The following SLC46A2 variants were observed in gnomAD, a reference collection of about 807,000 sequenced individuals.
SLC46A2 encodes the protein thymic stromal co-transporter.
In SLC46A2, 25 loss-of-function variants were observed where a neutral mutation model predicts 33.1. The ratio of observed to expected loss-of-function variants is 0.76; its 90% CI spans 0.55 to 1.06. SLC46A2 has a LOEUF of 1.06. Among genes scored for constraint, SLC46A2 ranks in the 50% least tolerant of loss-of-function variants. SLC46A2 has a pLI of 0.00. For synonymous variants in SLC46A2, 254 were observed against 275.9 expected (o/e 0.92, Z 0.79); for missense variants, 622 against 621.7 (o/e 1.00, Z 0.00).
At chr9:112,883,131 G>C (rs1225007077) in intron 3 of SLC46A2, among the ~76,000 whole-genome samples, 1 of 152,328 alleles carries the variant, frequency 6.6e-6, no homozygotes, top group South Asian at 2.1e-4. Context: ...GAGTTGAGCA[G>C]GGGGAACCAA....
chr9:112,885,344 G>C (rs1045111978), intron 3 of SLC46A2: 2 of 151,832 alleles, frequency 1.3e-5, no homozygotes, highest in African/African-American at 4.8e-5. Flanking sequence ...CTGATCTGTA[G>C]AGTCCTCATG....
Position 112,879,560 on chromosome 9 carries a change from C to T in SLC46A2, c.*202G>A, listed in dbSNP as rs538557225. ...AATGGGGGTGTCTTAAAGCTGAGAA[C>T]GTTTTTCCATCACCAGGAAAGTGCT... On this transcript the variant is annotated 3_prime_UTR_variant, in exon 4 of 4. Transcript: ENST00000374228. The T allele has an allele frequency of 3.7e-5, 20 of 538,502 alleles. No homozygotes were observed. In the South Asian group the frequency reaches 3.9e-4, roughly 11 times the overall value. 33.4% of individuals were successfully genotyped at this position (538,502 alleles called of 1,614,324 possible). A position where few individuals can be genotyped will look rare whatever the true frequency, so the allele number is the denominator to read the frequency against.
intron 3 of SLC46A2, among the ~76,000 whole-genome samples, chr9:112,882,682 T>C (rs1395900598): frequency 1.4e-4 from 21 of 151,592 alleles, no homozygotes; most frequent in Admixed American, 1.4e-3. Flanking sequence ...GCCTGATTGA[T>C]TGGAGGTGGG....
intron 3 of SLC46A2, among the ~76,000 whole-genome samples, chr9:112,881,953 G>C (rs904483860): frequency 2.1e-4 from 32 of 152,170 alleles, no homozygotes; most frequent in African/African-American, 7.5e-4. Flanking sequence ...AAAAAGTTGT[G>C]GATGGAGAAG....
intron 3 of SLC46A2, chr9:112,885,392 T>C (rs1286886068): frequency 6.6e-6 from 1 of 151,434 alleles, no homozygotes; most frequent in African/African-American, 2.4e-5. Context: ...CAAATCTATA[T>C]CAAATCCTGT....
intron 3 of SLC46A2, among the ~76,000 whole-genome samples, chr9:112,883,879 T>TG (rs1033058740): frequency 9.9e-5 from 15 of 152,048 alleles, no homozygotes; most frequent in Non-Finnish European, 1.8e-4. Flanking sequence ...TGTATTTTAT[T>TG]GGAGACATGG....
At chr9:112,885,218 T>C (rs1209058412) in intron 3 of SLC46A2, 1 of 152,088 alleles carries the variant, frequency 6.6e-6, no homozygotes, top group East Asian at 1.9e-4. Context: ...CAACTTTCCA[T>C]TCAGGCCGAG....
rs1230253318 is a variant in SLC46A2, at chr9:112,879,454, A to G, written c.*308T>C. The G allele has an allele frequency of 3.4e-6, 1 of 294,052 alleles. No individual in the cohort carries two copies. The highest frequency in any genetic ancestry group is 6.4e-6 in the Non-Finnish European group (1 of 155,740). The allele number at this position is 294,052 out of a possible 1,614,324, so 18.2% of individuals were successfully genotyped here. A position where few individuals can be genotyped will look rare whatever the true frequency, so the allele number is the denominator to read the frequency against. ...CTGTAGCTGGAGTCTGAAGCCCCTC[A>G]CAGGGCCTGGGACTGCTGTGTGCAG... On this transcript the variant is annotated 3_prime_UTR_variant, in exon 4 of 4. Transcript: ENST00000374228.
At chr9:112,887,969 G>A (rs180871929) in intron 1 of SLC46A2, among the ~76,000 whole-genome samples, 4 of 147,506 alleles carry the variant, frequency 2.7e-5, no homozygotes, top group African/African-American at 9.9e-5. Context: ...GAGAGAGAAC[G>A]CACAAGAGAG....
chr9:112,888,507 CTA>C (rs1469635563), intron 1 of SLC46A2, among the ~76,000 whole-genome samples: 1 of 152,180 alleles, frequency 6.6e-6, no homozygotes, highest in African/African-American at 2.4e-5. Flanking sequence ...CCCCATATAA[CTA>C]TTTAAATTAA....
Position 112,890,786 on chromosome 9 carries a change from G to A in SLC46A2, c.-105C>T. The stretch of plus-strand genomic sequence containing the variant: ...CTCAGGTTTCAGTCCCGGAGCGCGA[G>A]TGTGCTCCGTGCGCCGGGAGCGCGA... On this transcript the variant is annotated 5_prime_UTR_variant, in exon 1 of 4. Coordinates refer to ENST00000374228, the MANE Select transcript of SLC46A2 (RefSeq NM_033051.4). This position sits in a 1 kb window ranked among gnomAD's most constrained non-coding sequence, Gnocchi z 6.0. 2 of 822,172 alleles carry A rather than the reference G, an allele frequency of 2.4e-6. No homozygotes were observed. Among genetic ancestry groups the A allele is most frequent in the South Asian group, 2.0e-5 (1 of 48,876 alleles). The allele number at this position is 822,172 out of a possible 1,614,324, so 50.9% of individuals were successfully genotyped here.
Position 112,890,321 on chromosome 9 carries a change from G to A in SLC46A2, c.361C>T (p.Leu121Phe), listed in dbSNP as rs1447671577. ...AGCAGCACCTTGAGCAGCAGCCCGA[G>A]GCGGGAGAGCAGGAAGCCCAGCAGC... is the stretch of plus-strand genomic sequence containing the variant. Reference protein sequence around the residue: ...MSLLGFLLSRLGLLLKVLLDW... With the variant: ...MSLLGFLLSRFGLLLKVLLDW... Residue 121 changes from leucine (L) to phenylalanine (F), a missense_variant, in exon 1 of 4, where the codon CTC (leucine) becomes TTC (phenylalanine). Transcript: ENST00000374228. This position sits in a 1 kb window ranked among gnomAD's most constrained non-coding sequence, Gnocchi z 6.0. 6.2e-7 allele frequency: 1 copy of A among 1,613,860 alleles called. No individual in the cohort carries two copies. Among genetic ancestry groups the A allele is most frequent in the Admixed American group, 1.7e-5 (1 of 60,032 alleles).
intron 3 of SLC46A2, among the ~76,000 whole-genome samples, chr9:112,881,031 G>C (rs867209336): frequency 6.6e-6 from 1 of 152,202 alleles, no homozygotes; most frequent in Non-Finnish European, 1.5e-5. Context: ...TTAAGCCTTT[G>C]CTAATTGCAA....
At chr9:112,879,936 G>A (rs896897404) in intron 3 of SLC46A2, 117 bp from the exon 4 acceptor site, 2 of 891,306 alleles carry the variant, frequency 2.2e-6, no homozygotes, top group Non-Finnish European at 3.7e-6. Context: ...ATCATAGGTA[G>A]GCATTGACCA....
rs994575802 is a variant in SLC46A2 at position 112,890,529 on chromosome 9, T to G, written c.153A>C (p.Gly51=). 6.2e-7 allele frequency: 1 copy of G among 1,613,608 alleles called. No individual in the cohort carries two copies. Among genetic ancestry groups the G allele is most frequent in the South Asian group, 1.1e-5 (1 of 91,060 alleles). Residue 51 remains glycine (G), a synonymous_variant, in exon 1 of 4, where the codon GGA becomes GGC. Coordinates refer to ENST00000374228, the MANE Select transcript of SLC46A2 (RefSeq NM_033051.4). The surrounding 1 kb of genome is among the most constrained non-coding windows in gnomAD (Gnocchi z 6.0). Reference sequence around the variant, plus strand: ...GGCTGGCACTGTGGTTGGAGGAGCCTCCGGTTCCGTAGGACGCCTTCACCA... The same window carrying G: ...GGCTGGCACTGTGGTTGGAGGAGCCGCCGGTTCCGTAGGACGCCTTCACCA... ...LLVVKASYGT[G]GSSNHSASPS...
In SLC46A2 at chr9:112,879,777, G is replaced by A. The variant is rs1408758178; in HGVS notation, c.1413C>T (p.Asp471=). The change falls in exon 4 of 4, where the codon GAC becomes GAT. Residue 471 remains aspartate, a synonymous_variant. Transcript: ENST00000374228. ...GTAAGCATCTTCATTTCTCTATGATGTCTCCATATGGTGACAATGGGACTT... is the reference window on the plus strand; with the variant it reads ...GTAAGCATCTTCATTTCTCTATGATATCTCCATATGGTGACAATGGGACTT... ...YKQVPLSPYG[D]IIEK is the part of the protein sequence containing the mutation. 1 of 1,612,574 alleles carries A rather than the reference G, an allele frequency of 6.2e-7. No homozygotes were observed. Among genetic ancestry groups the A allele is most frequent in the Admixed American group, 1.7e-5 (1 of 60,006 alleles).
chr9:112,890,274 C>CA lies in SLC46A2; in HGVS notation c.407dup (p.Tyr137ValfsTer41). 1 of 1,613,566 alleles carries CA rather than the reference C, an allele frequency of 6.2e-7. No individual in the cohort carries two copies. ...GCCCGTTCAGCGCCGCCGCCCCGTA[C>CA]AGCACCTCCACTGGCCAGTCCAGCA... is the stretch of plus-strand genomic sequence containing the variant. On this transcript the variant is annotated frameshift_variant, in exon 1 of 4. Transcript: ENST00000374228. LOFTEE classifies it high-confidence loss of function. The surrounding 1 kb of genome is among the most constrained non-coding windows in gnomAD (Gnocchi z 6.0).
chr9:112,883,372 A>G (rs934308917), intron 3 of SLC46A2, among the ~76,000 whole-genome samples: 2 of 152,142 alleles, frequency 1.3e-5, no homozygotes, highest in Non-Finnish European at 2.9e-5. Context: ...TGGATGGGAA[A>G]GACAGTCTGG....
Position 112,889,834 on chromosome 9 carries a change from A to G in SLC46A2, c.848T>C (p.Ile283Thr), listed in dbSNP as rs899105702. 26 of 1,614,034 alleles carry G rather than the reference A, an allele frequency of 1.6e-5. No individual in the cohort carries two copies. The highest frequency in any genetic ancestry group is 1.6e-4 in the Middle Eastern group (1 of 6,084). Residue 283 changes from isoleucine to threonine, a missense_variant, in exon 1 of 4, where the codon ATT (isoleucine) becomes ACT (threonine). By Grantham distance (89) the Ile-to-Thr change is moderately conservative. Transcript: ENST00000374228. ...GATAGCACCCACAAAGAGCAAGGCA[A>G]TGGTGGTTTTATGGGGTTTTGCTTT... is the stretch of plus-strand genomic sequence containing the variant. Reference protein sequence around the residue: ...PGKAKPHKTTIALLFVGAIIY... With the variant: ...PGKAKPHKTTTALLFVGAIIY...
Sources: gnomAD v4.1 joint callset for allele counts (sites outside exome capture counted in the v4.1 genomes callset) on GRCh38, gnomAD v4.1.1 for gene constraint, Gnocchi (gnomAD v3.1) non-coding constraint, MANE v1.5 for transcripts, NCBI Gene and HGNC (gene_info 2026-07-23, HGNC 2026-07-21) for gene names.